NETO1: variants seen among roughly 807,000 people sequenced by gnomAD.
NETO1 encodes neuropilin and tolloid-like protein 1.
In NETO1, 26 loss-of-function variants were observed where a neutral mutation model predicts 61.3. That is an observed-to-expected ratio of 0.42 (90% CI 0.31 to 0.59). The LOEUF (loss-of-function observed/expected upper bound fraction) is 0.59. Ranked by LOEUF, NETO1 falls within the 20% of genes least tolerant of loss-of-function variation. The pLI is 0.12. For missense variants in NETO1, 531 were observed against 662.8 expected, an observed-to-expected ratio of 0.80 and a Z score of 2.18; for synonymous variants, 225 against 225.8, an observed-to-expected ratio of 1.00 and a Z score of 0.03.
intron 6 of NETO1, among the ~76,000 whole-genome samples, chr18:72,788,361 A>G (rs1439440541): frequency 2.0e-5 from 3 of 152,166 alleles, no homozygotes; most frequent in Non-Finnish European, 2.9e-5. Context: ...CAGAGCTGTC[A>G]GTACAAAAGC....
Position 72,745,126 on chromosome 18 carries a change from A to T in NETO1, c.*3053T>A, listed in dbSNP as rs2070403195. On this transcript the variant is annotated 3_prime_UTR_variant, in exon 11 of 11. Coordinates refer to ENST00000327305, the MANE Select transcript of NETO1 (RefSeq NM_138966.5). ...GATTTGTTCTCCATTAAAAGCCCAA[A>T]GACACTGATCTCCAATTATGTGGAC... The T allele has an allele frequency of 6.6e-6, 1 of 152,224 alleles. No homozygotes were observed. The highest frequency in any genetic ancestry group is 1.5e-5 in the Non-Finnish European group (1 of 68,040). The allele number at this position is 152,224 out of a possible 1,614,324, so 9.4% of individuals were successfully genotyped here.
At chr18:72,831,889 T>C (rs1270489724) in intron 4 of NETO1, among the ~76,000 whole-genome samples, 2 of 152,224 alleles carry the variant, frequency 1.3e-5, no homozygotes, top group African/African-American at 4.8e-5. Flanking sequence ...CTTTCATGCC[T>C]TCTTCCTAGG....
At chr18:72,791,414 C>T (rs947787086) in intron 6 of NETO1, among the ~76,000 whole-genome samples, 1 of 152,194 alleles carries the variant, frequency 6.6e-6, no homozygotes, top group Non-Finnish European at 1.5e-5. Context: ...AGAAAGTCCA[C>T]ATAGGCAGTA....
rs1179732442 is a variant in NETO1, at chr18:72,830,927, T to C, written c.469+27899A>G. On this transcript the variant is annotated intron_variant, in intron 4 of 10. Transcript: ENST00000327305. This position sits in a 1 kb window ranked among gnomAD's most constrained non-coding sequence, Gnocchi z 4.9. ...CCACTGCAGGAAAAACTGTACTTGA[T>C]AGGGTTGTCAATTATGCCTTCTGAC... 6.6e-6 allele frequency among the ~76,000 whole-genome samples: 1 copy of C among 152,128 alleles called. No homozygotes were observed. Among genetic ancestry groups the C allele is most frequent in the African/African-American group, 2.4e-5 (1 of 41,434 alleles).
At chr18:72,780,115 C>T (rs543467319) in intron 7 of NETO1, among the ~76,000 whole-genome samples, 12 of 152,250 alleles carry the variant, frequency 7.9e-5, no homozygotes, top group Admixed American at 4.6e-4. Context: ...TTTGAAGGGG[C>T]GCCACAGAAC....
intron 4 of NETO1, among the ~76,000 whole-genome samples, chr18:72,807,418 T>A (rs570931030): frequency 6.6e-6 from 1 of 152,196 alleles, no homozygotes; most frequent in Non-Finnish European, 1.5e-5. Flanking sequence ...GTTCCCTTAT[T>A]TTATTTATTT....
At chr18:72,826,211 G>GAAC (rs1217568999) in intron 4 of NETO1, among the ~76,000 whole-genome samples, 1 of 151,940 alleles carries the variant, frequency 6.6e-6, no homozygotes, top group Non-Finnish European at 1.5e-5. Context: ...TATTTTATTT[G>GAAC]AACATTTTCT....
chr18:72,858,676 T>C (rs1447894623), intron 4 of NETO1, 150 bp downstream of exon 4: 3 of 772,440 alleles, frequency 3.9e-6, no homozygotes, highest in African/African-American at 1.8e-5. Flanking sequence ...AGAATTTGTG[T>C]AGGGAAAAGA....
At chr18:72,770,151 G>C (rs1426951692) in intron 7 of NETO1, among the ~76,000 whole-genome samples, 1 of 151,828 alleles carries the variant, frequency 6.6e-6, no homozygotes, top group East Asian at 1.9e-4. Flanking sequence ...ATGTTTACAT[G>C]TTTGCTTCTT....
intron 6 of NETO1, among the ~76,000 whole-genome samples, chr18:72,792,696 C>T (rs903552658): frequency 1.3e-5 from 2 of 151,758 alleles, no homozygotes; most frequent in South Asian, 2.1e-4. Context: ...TTTGTTTTTC[C>T]GTATGTCGCT....
rs545570786 is a variant in NETO1, at chr18:72,754,676, G to A, written c.982+1358C>T. On this transcript the variant is annotated intron_variant, in intron 8 of 10. Transcript: ENST00000327305. Reference sequence around the variant, plus strand: ...CACCCAAGCTTAAAATTACATGAAAGAAAAATTTTACAGAAGTGAAGAGAG... The same window carrying A: ...CACCCAAGCTTAAAATTACATGAAAAAAAAATTTTACAGAAGTGAAGAGAG... Among the ~76,000 whole-genome samples, 6 of 152,188 alleles carry A rather than the reference G, an allele frequency of 3.9e-5. No individual in the cohort carries two copies. The East Asian group carries it at 1.2e-3, about 29-fold the overall frequency.
In NETO1 at chr18:72,818,212, A is replaced by G. The variant is rs72966396; in HGVS notation, c.470-23808T>C. On this transcript the variant is annotated intron_variant, in intron 4 of 10. Transcript: ENST00000327305. ...AATTGTAAATTTGCAAGTGTACTAAATAAAATGAATCTGACCATGCTGTCT... is the reference window on the plus strand; with the variant it reads ...AATTGTAAATTTGCAAGTGTACTAAGTAAAATGAATCTGACCATGCTGTCT... 5.3e-3 allele frequency among the ~76,000 whole-genome samples: 807 copies of G among 152,348 alleles called. 2 individuals carry two copies. Among genetic ancestry groups the G allele is most frequent in the Middle Eastern group, 0.024 (7 of 294 alleles).
intron 8 of NETO1, among the ~76,000 whole-genome samples, chr18:72,753,511 G>A (rs1036728761): frequency 7.2e-5 from 11 of 152,162 alleles, no homozygotes; most frequent in Non-Finnish European, 1.6e-4. Flanking sequence ...ATAATTCAAT[G>A]ATAAAAGAGC....
rs550548320 is a variant in NETO1, at chr18:72,764,796, T to C, written c.869-8649A>G. Reference sequence around the variant, plus strand: ...TCTCACCTCCCACACCTTCCTGGCATTAACAAAGGGCACAACCATCCCCTC... The same window carrying C: ...TCTCACCTCCCACACCTTCCTGGCACTAACAAAGGGCACAACCATCCCCTC... On this transcript the variant is annotated intron_variant, in intron 7 of 10. Transcript: ENST00000327305. 3.3e-5 allele frequency among the ~76,000 whole-genome samples: 5 copies of C among 152,296 alleles called. No homozygotes were observed. In the East Asian group the frequency reaches 9.7e-4, roughly 29 times the overall value.
At chr18:72,774,321 T>C (rs2071473403) in intron 7 of NETO1, among the ~76,000 whole-genome samples, 1 of 152,214 alleles carries the variant, frequency 6.6e-6, no homozygotes, top group African/African-American at 2.4e-5. Flanking sequence ...GTGATTTATT[T>C]GAATGGGCAT....
At chr18:72,834,923 T>A in intron 4 of NETO1, 1 of 755,796 alleles carries the variant, frequency 1.3e-6, no homozygotes, top group Non-Finnish European at 1.6e-6. Flanking sequence ...ATATCATATA[T>A]AAAATAACAT....
intron 7 of NETO1, among the ~76,000 whole-genome samples, chr18:72,772,835 A>C (rs113951107): frequency 0.093 from 974 of 10,432 alleles, 2 homozygotes; most frequent in East Asian, 0.12. Context: ...CTATATATAT[A>C]TATATATATA....
intron 4 of NETO1, among the ~76,000 whole-genome samples, chr18:72,855,075 G>T (rs1050978489): frequency 2.0e-5 from 3 of 152,068 alleles, no homozygotes; most frequent in Non-Finnish European, 4.4e-5. Flanking sequence ...AAACACTTTT[G>T]ATATGTCTTC....
chr18:72,744,567 C>G lies in NETO1; in HGVS notation c.*3612G>C, dbSNP rs2070392789. The stretch of plus-strand genomic sequence containing the variant: ...ATGAATCCATGGAGGGAAAAGGGCA[C>G]AGAGAAAAATGGCACCGAAGCTAGC... On this transcript the variant is annotated 3_prime_UTR_variant, in exon 11 of 11. Coordinates refer to ENST00000327305, the MANE Select transcript of NETO1 (RefSeq NM_138966.5). 6.6e-6 allele frequency: 1 copy of G among 152,006 alleles called. No individual in the cohort carries two copies. The allele number at this position is 152,006 out of a possible 1,614,324, so 9.4% of individuals were successfully genotyped here.
Sources: allele counts gnomAD v4.1 joint callset (sites outside exome capture counted in the v4.1 genomes callset), GRCh38; gene constraint gnomAD v4.1.1; non-coding constraint Gnocchi (gnomAD v3.1); transcripts MANE v1.5; gene names NCBI Gene and HGNC (gene_info 2026-07-23, HGNC 2026-07-21).